CHODL: variants seen among roughly 807,000 people sequenced by gnomAD.
The protein encoded by CHODL is chondrolectin, also known as transmembrane protein MT75.
Under a neutral mutation model 34.5 loss-of-function variants are expected in CHODL, and 29 were observed. The ratio of observed to expected loss-of-function variants is 0.84; its 90% CI spans 0.63 to 1.15. The LOEUF (loss-of-function observed/expected upper bound fraction) is 1.15, where lower values mean the gene tolerates loss of function less well. CHODL is among the 50% of genes most tolerant of loss of function. CHODL has a pLI of 0.00. For missense variants in CHODL, 332 were observed against 332.5 expected, an observed-to-expected ratio of 1.00 and a Z score of 0.01; for synonymous variants, 125 against 116.1, an observed-to-expected ratio of 1.08 and a Z score of -0.49.
At chr21:18,042,230 C>CAGATTTAA (rs1208497881) in intron 2 of CHODL, among the ~76,000 whole-genome samples, 1 of 151,878 alleles carries the variant, frequency 6.6e-6, no homozygotes, top group East Asian at 1.9e-4. Flanking sequence ...GAGCACAGCA[C>CAGATTTAA]AGATTTAAAT....
intron 1 of CHODL, among the ~76,000 whole-genome samples, chr21:17,974,152 T>C (rs1196257258): frequency 6.6e-6 from 1 of 152,200 alleles, no homozygotes; most frequent in East Asian, 1.9e-4. Context: ...AAGCAACGTT[T>C]TGCAAAACCA....
intron 1 of CHODL, among the ~76,000 whole-genome samples, chr21:18,010,118 C>CAAAAAA (rs547675850): frequency 2.8e-4 from 17 of 61,210 alleles, no homozygotes; most frequent in East Asian, 1.1e-3. Context: ...TACTAAAATA[C>CAAAAAA]AAAAAAAAAA....
At chr21:18,075,649 T>C (rs886956372) in intron 2 of CHODL, among the ~76,000 whole-genome samples, 1 of 152,210 alleles carries the variant, frequency 6.6e-6, no homozygotes, top group Non-Finnish European at 1.5e-5. Flanking sequence ...ATTTTTATAA[T>C]GATAACTTCC....
At chr21:18,177,335 A>C (rs2073328425) in intron 2 of CHODL, among the ~76,000 whole-genome samples, 1 of 152,140 alleles carries the variant, frequency 6.6e-6, no homozygotes, top group Admixed American at 6.5e-5. Flanking sequence ...AACAGCAAAT[A>C]AACTGAATAA....
chr21:17,968,773 T>C (rs1379917308), intron 1 of CHODL, among the ~76,000 whole-genome samples: 2 of 152,222 alleles, frequency 1.3e-5, no homozygotes, highest in African/African-American at 4.8e-5. Flanking sequence ...GTATTTCTCT[T>C]AGTTGGATGG....
At chr21:17,978,733 G>A (rs76219480) in intron 1 of CHODL, among the ~76,000 whole-genome samples, 48 of 139,616 alleles carry the variant, frequency 3.4e-4, no homozygotes, top group African/African-American at 4.2e-4. Flanking sequence ...GAAAAAAAAA[G>A]AAAAAAAAAA....
rs554437838 is a variant in CHODL, at chr21:18,092,892, G to A, written c.-45+64921G>A. Among the ~76,000 whole-genome samples, 8 of 152,254 alleles carry A rather than the reference G, an allele frequency of 5.3e-5. 1 individual carries two copies. The East Asian group carries it at 1.5e-3, about 29-fold the overall frequency. ...AGGCCTCTTCTTCTTTAAAGAAGAG[G>A]TAAAGAAAGAGATGGGGTGGGAAAT... On this transcript the variant is annotated intron_variant, in intron 2 of 6. Transcript: ENST00000400127.
chr21:18,010,297 CAAAAAAAAA>C (rs71189576), intron 1 of CHODL, among the ~76,000 whole-genome samples: 3 of 38,790 alleles, frequency 7.7e-5, no homozygotes, highest in African/African-American at 3.0e-4. Context: ...ACTCCCGTCT[CAAAAAAAAA>C]AAAAAAAAAA....
rs571433611 is a variant in CHODL, at chr21:18,025,728, G to A, written c.-144-2144G>A. On this transcript the variant is annotated intron_variant, in intron 1 of 6. Transcript: ENST00000400127. ...TCACAGATCGGGGAGCTAGAAGGCT[G>A]CGATCAAAGTGTAGGCACGTTGATT... Among the ~76,000 whole-genome samples the A allele has an allele frequency of 6.4e-4, 97 of 152,234 alleles. 1 individual carries two copies. In the Middle Eastern group the frequency reaches 0.014, roughly 21 times the overall value.
At chr21:18,238,662 G>A (rs2074052590) in intron 2 of CHODL, among the ~76,000 whole-genome samples, 1 of 151,950 alleles carries the variant, frequency 6.6e-6, no homozygotes, top group African/African-American at 2.4e-5. Context: ...AGATTGTGAG[G>A]TCTAGCTTTA....
chr21:18,249,085 A>ATTATATATATTATAT (rs1319340996), intron 1 of CHODL, among the ~76,000 whole-genome samples: 3 of 123,888 alleles, frequency 2.4e-5, no homozygotes, highest in African/African-American at 1.0e-4. Flanking sequence ...ATATATATAT[A>ATTATATATATTATAT]ATAAAATATA....
rs1016944899 is a variant in CHODL at position 17,947,158 on chromosome 21, C to T, written c.-145+29758C>T. 1.5e-4 allele frequency among the ~76,000 whole-genome samples: 23 copies of T among 152,128 alleles called. 1 individual carries two copies. The highest frequency in any genetic ancestry group is 8.3e-4 in the South Asian group (4 of 4,812). ...AAAATGTTTTAAATCATGTCTAGTA[C>T]TTGTTCTGATCATAATGGTTTAAAA... On this transcript the variant is annotated intron_variant, in intron 1 of 6. Transcript: ENST00000400127.
intron 1 of CHODL, among the ~76,000 whole-genome samples, chr21:17,977,092 C>T (rs556759707): frequency 2.0e-5 from 3 of 152,276 alleles, no homozygotes; most frequent in African/African-American, 7.2e-5. Flanking sequence ...TTCAGCATTT[C>T]CTACGTGCTT....
chr21:18,150,333 T>C (rs1280873453), intron 2 of CHODL, among the ~76,000 whole-genome samples: 1 of 152,172 alleles, frequency 6.6e-6, no homozygotes, highest in Non-Finnish European at 1.5e-5. Context: ...TAGTGAGGCA[T>C]GTCTGACCCC....
At chr21:18,136,721 T>TGC (rs2146603628) in intron 2 of CHODL, among the ~76,000 whole-genome samples, 1 of 27,542 alleles carries the variant, frequency 3.6e-5, no homozygotes, top group East Asian at 1.6e-3. Flanking sequence ...AATCAAAGCA[T>TGC]ATATATATAT....
intron 2 of CHODL, among the ~76,000 whole-genome samples, chr21:18,075,451 T>G (rs899228914): frequency 1.3e-5 from 2 of 152,202 alleles, no homozygotes; most frequent in African/African-American, 2.4e-5. Context: ...ATTGAAACTA[T>G]AAAGTCAGAC....
At chr21:17,952,870 C>T (rs760926683) in intron 1 of CHODL, among the ~76,000 whole-genome samples, 13 of 152,176 alleles carry the variant, frequency 8.5e-5, no homozygotes, top group Middle Eastern at 3.4e-3. Flanking sequence ...ACAATCATGG[C>T]GGAAGGCGAA....
At position 18,084,981 on chromosome 21, in the gene CHODL, T is replaced by C. The variant is rs1036378084; in HGVS notation, c.-45+57010T>C. On this transcript the variant is annotated intron_variant, in intron 2 of 6. Coordinates refer to the CHODL transcript ENST00000400127. ...TGTGTGAATCTGAGTGCTCCAATGT[T>C]GGGTGCATGTACACTTAGAATTATT... 6.0e-5 allele frequency among the ~76,000 whole-genome samples: 9 copies of C among 150,734 alleles called. No individual in the cohort carries two copies. In the East Asian group the frequency reaches 1.8e-3, roughly 30 times the overall value.
At chr21:18,260,847 C>CA (rs796997087) in intron 4 of CHODL, among the ~76,000 whole-genome samples, 1 of 109,504 alleles carries the variant, frequency 9.1e-6, no homozygotes, top group Non-Finnish European at 1.9e-5. Flanking sequence ...ACAACAACAA[C>CA]AAAAAAACAC....
Sources: allele counts gnomAD v4.1 joint callset (sites outside exome capture counted in the v4.1 genomes callset), GRCh38; gene constraint gnomAD v4.1.1; transcripts MANE v1.5; gene names NCBI Gene and HGNC (gene_info 2026-07-23, HGNC 2026-07-21).